The following ADAM17 variants were observed in gnomAD, a reference collection of about 807,000 sequenced individuals.
ADAM17 encodes the protein ADAM metallopeptidase domain 17, also known as disintegrin and metalloproteinase domain-containing protein 17.
A neutral mutation model predicts 96.7 loss-of-function variants in ADAM17; 39 were observed. The ratio of observed to expected loss-of-function variants is 0.40; its 90% CI spans 0.31 to 0.53. ADAM17 has a LOEUF of 0.53. Among genes scored for constraint, ADAM17 ranks in the 20% least tolerant of loss-of-function variants. The probability of loss-of-function intolerance (pLI) is 0.44; values close to 1 mark genes in which losing one functional copy is unlikely to be tolerated. For synonymous variants in ADAM17, 344 were observed against 359.2 expected (o/e 0.96, Z 0.48); for missense variants, 777 against 1,013.2 (o/e 0.77, Z 3.17).
chr2:9,514,523 ATATATATATATAT>A (rs1558509877), intron 10 of ADAM17, among the ~76,000 whole-genome samples: 2 of 4,698 alleles, frequency 4.3e-4, no homozygotes, highest in African/African-American at 2.2e-3. Context: ...ATATAAATAT[ATATATATATATAT>A]ATATATATAT....
At chr2:9,520,057 T>C (rs1324686939) in intron 8 of ADAM17, among the ~76,000 whole-genome samples, 1 of 152,224 alleles carries the variant, frequency 6.6e-6, no homozygotes, top group Non-Finnish European at 1.5e-5. Flanking sequence ...TGAATAGTTA[T>C]AATATCCTTT....
intron 2 of ADAM17, among the ~76,000 whole-genome samples, chr2:9,539,648 G>C (rs1308723212): frequency 6.6e-6 from 1 of 152,070 alleles, no homozygotes; most frequent in African/African-American, 2.4e-5. Context: ...AGTAATGAGG[G>C]GTTTCATAGA....
intron 10 of ADAM17, among the ~76,000 whole-genome samples, chr2:9,511,246 C>T (rs1260716914): frequency 4.6e-5 from 7 of 152,052 alleles, no homozygotes; most frequent in Non-Finnish European, 8.8e-5. Flanking sequence ...GTCAGGAGTT[C>T]GAGACCAGCC....
chr2:9,540,830 C>T (rs1665177679), intron 2 of ADAM17, among the ~76,000 whole-genome samples: 1 of 152,124 alleles, frequency 6.6e-6, no homozygotes, highest in African/African-American at 2.4e-5. Context: ...AAATGAAAAT[C>T]AAAACAACTA....
In ADAM17 at chr2:9,547,959, C is replaced by G. The variant is rs189465123; in HGVS notation, c.98-4674G>C. On this transcript the variant is annotated intron_variant, in intron 1 of 18. Coordinates refer to ENST00000310823, the MANE Select transcript of ADAM17 (RefSeq NM_003183.6). ...GTGTACACCTGCAGTCCCAGCTGCT[C>G]AGGAGGCTGAGGTGGGAGGATGGCT... Among the ~76,000 whole-genome samples, 245 of 151,976 alleles carry G rather than the reference C, an allele frequency of 1.6e-3. 1 individual carries two copies. The highest frequency in any genetic ancestry group is 5.7e-3 in the African/African-American group (235 of 41,448).
At chr2:9,523,614 G>A (rs908868442) in intron 6 of ADAM17, among the ~76,000 whole-genome samples, 1 of 152,174 alleles carries the variant, frequency 6.6e-6, no homozygotes, top group Non-Finnish European at 1.5e-5. Context: ...ACAAGTAACA[G>A]GCTTTTTTAA....
At chr2:9,502,917 G>T (rs1412820469) in intron 12 of ADAM17, among the ~76,000 whole-genome samples, 14 of 146,808 alleles carry the variant, frequency 9.5e-5, no homozygotes, top group Admixed American at 5.5e-4. Context: ...GAGGCAGGTG[G>T]ACCACGAGGT....
At chr2:9,512,652 G>A (rs1663806121) in intron 10 of ADAM17, among the ~76,000 whole-genome samples, 1 of 152,180 alleles carries the variant, frequency 6.6e-6, no homozygotes, top group Non-Finnish European at 1.5e-5. Flanking sequence ...CTTTACTGTG[G>A]AGGGAGGAAT....
intron 1 of ADAM17, among the ~76,000 whole-genome samples, chr2:9,551,165 C>A (rs1665580676): frequency 6.6e-6 from 1 of 150,484 alleles, no homozygotes; most frequent in Non-Finnish European, 1.5e-5. Context: ...AAGTCCAGGT[C>A]AGAGATACAC....
intron 4 of ADAM17, 42 bp downstream of exon 4, chr2:9,535,792 A>G: frequency 1.5e-6 from 2 of 1,299,320 alleles, no homozygotes; most frequent in Non-Finnish European, 2.2e-6. Flanking sequence ...TTTGAAAATC[A>G]GAGATATAAG....
At chr2:9,520,268 G>A (rs183997298) in intron 8 of ADAM17, among the ~76,000 whole-genome samples, 59 of 152,186 alleles carry the variant, frequency 3.9e-4, no homozygotes, top group East Asian at 2.1e-3. Context: ...AAAAACTATC[G>A]CTTCATATAA....
At chr2:9,534,734 T>C (rs1219416196) in intron 4 of ADAM17, among the ~76,000 whole-genome samples, 2 of 152,216 alleles carry the variant, frequency 1.3e-5, no homozygotes, top group East Asian at 3.8e-4. Flanking sequence ...TGGAAGGATG[T>C]CTGTCAAAAT....
intron 7 of ADAM17, 93 bp from the exon 8 acceptor site, chr2:9,521,409 C>T (rs1326035720): frequency 5.5e-6 from 5 of 908,102 alleles, no homozygotes; most frequent in Middle Eastern, 2.5e-4. Context: ...AAAAAAGAAT[C>T]GTTCTAGAAA....
chr2:9,523,908 C>T (rs971735604), intron 6 of ADAM17, among the ~76,000 whole-genome samples: 6 of 151,398 alleles, frequency 4.0e-5, no homozygotes, highest in South Asian at 2.1e-4. Flanking sequence ...CAAGGTCTTG[C>T]TCTGTCACCA....
intron 8 of ADAM17, among the ~76,000 whole-genome samples, chr2:9,520,172 T>C (rs1384917823): frequency 6.6e-6 from 1 of 152,232 alleles, no homozygotes; most frequent in Admixed American, 6.5e-5. Flanking sequence ...AACTATGGGA[T>C]AAATAAGTGT....
In ADAM17 at chr2:9,509,570, T is replaced by C. The variant is rs184651360; in HGVS notation, c.1344+409A>G. On this transcript the variant is annotated intron_variant, in intron 11 of 18. Transcript: ENST00000310823. Reference sequence around the variant, plus strand: ...ATGAGGCTTGTAGTCAGGCAAACTATGTGTTTAACTGCAAAAGTTAATAAA... The same window carrying C: ...ATGAGGCTTGTAGTCAGGCAAACTACGTGTTTAACTGCAAAAGTTAATAAA... 1.6e-3 allele frequency among the ~76,000 whole-genome samples: 243 copies of C among 152,346 alleles called. 1 individual carries two copies. The highest frequency in any genetic ancestry group is 5.7e-3 in the African/African-American group (238 of 41,574).
At chr2:9,497,672 C>A (rs1662713043) in intron 13 of ADAM17, among the ~76,000 whole-genome samples, 1 of 152,208 alleles carries the variant, frequency 6.6e-6, no homozygotes, top group Non-Finnish European at 1.5e-5. Flanking sequence ...AACCTCCATT[C>A]AGTTCCTTCA....
intron 8 of ADAM17, 29 bp downstream of exon 8, chr2:9,521,174 A>G: frequency 6.7e-7 from 1 of 1,482,892 alleles, no homozygotes; most frequent in Non-Finnish European, 9.4e-7. Context: ...AAGTGGTGTT[A>G]GCACCATATC....
chr2:9,496,790 T>C (rs1294949157), intron 14 of ADAM17, among the ~76,000 whole-genome samples: 1 of 152,190 alleles, frequency 6.6e-6, no homozygotes, highest in African/African-American at 2.4e-5. Context: ...TTGTATGATA[T>C]GGAGCAGAGG....
Sources: allele counts gnomAD v4.1 joint callset (sites outside exome capture counted in the v4.1 genomes callset), GRCh38; gene constraint gnomAD v4.1.1; transcripts MANE v1.5; gene names NCBI Gene and HGNC (gene_info 2026-07-23, HGNC 2026-07-21).